The following ZNF423 variants were observed in gnomAD, a reference collection of about 807,000 sequenced individuals.
ZNF423 encodes the protein Ebf-associated zinc finger protein.
Under a neutral mutation model 95.8 loss-of-function variants are expected in ZNF423, and 12 were observed. The observed-to-expected ratio is 0.13, with a 90% CI of 0.08 to 0.20. The LOEUF (loss-of-function observed/expected upper bound fraction) is 0.20, where lower values mean the gene tolerates loss of function less well. Among genes scored for constraint, ZNF423 ranks in the 10% least tolerant of loss-of-function variants. The probability of loss-of-function intolerance (pLI) is 1.00; values close to 1 mark genes in which losing one functional copy is unlikely to be tolerated. For missense variants in ZNF423, 1,316 were observed against 1,737.1 expected (o/e 0.76, Z 4.31); for synonymous variants, 749 against 711.9 (o/e 1.05, Z -0.83).
chr16:49,612,486 CA>C (rs1971759137), intron 5 of ZNF423, among the ~76,000 whole-genome samples: 1 of 146,770 alleles, frequency 6.8e-6, no homozygotes, highest in Non-Finnish European at 1.5e-5. Context: ...AACAAACAAA[CA>C]AACAAACAAA....
At chr16:49,813,234 C>T (rs2034782266) in intron 1 of ZNF423, among the ~76,000 whole-genome samples, 1 of 148,524 alleles carries the variant, frequency 6.7e-6, no homozygotes, top group African/African-American at 2.5e-5. Flanking sequence ...GTGACTCCAA[C>T]CCCACAGCCC....
intron 2 of ZNF423, among the ~76,000 whole-genome samples, chr16:49,744,092 T>TC (rs1334015103): frequency 3.3e-5 from 5 of 152,062 alleles, no homozygotes; most frequent in Non-Finnish European, 7.4e-5. Context: ...CCCAGGGGTC[T>TC]CCCCACCGCT....
chr16:49,607,227 T>C (rs1028576336), intron 5 of ZNF423, among the ~76,000 whole-genome samples: 8 of 152,130 alleles, frequency 5.3e-5, no homozygotes, highest in Non-Finnish European at 8.8e-5. Context: ...ATAGCATTTT[T>C]TGTGGTCCTT....
At chr16:49,813,373 T>C (rs995384765) in intron 1 of ZNF423, among the ~76,000 whole-genome samples, 2 of 152,018 alleles carry the variant, frequency 1.3e-5, no homozygotes, top group African/African-American at 4.8e-5. Flanking sequence ...AGCAGACATG[T>C]TCATCCTCCA....
At chr16:49,816,999 T>C (rs2034866120) in intron 1 of ZNF423, among the ~76,000 whole-genome samples, 1 of 152,214 alleles carries the variant, frequency 6.6e-6, no homozygotes, top group Admixed American at 6.5e-5. Flanking sequence ...AAGAAAAGCA[T>C]GTGTCTATTT....
chr16:49,490,136 C>G lies in ZNF423; in HGVS notation c.*1139G>C, dbSNP rs899174819. ...CCTGCGGCTCCTACCTGGCTCTGCT[C>G]TGCAGTCCCCAGTCACACATCTCCG... On this transcript the variant is annotated 3_prime_UTR_variant, in exon 8 of 8. Transcript: ENST00000563137. 2 of 152,278 alleles carry G rather than the reference C, an allele frequency of 1.3e-5. No homozygotes were observed. The highest frequency in any genetic ancestry group is 2.9e-5 in the Non-Finnish European group (2 of 68,086). 9.4% of individuals were successfully genotyped at this position (152,278 alleles called of 1,614,324 possible).
intron 2 of ZNF423, among the ~76,000 whole-genome samples, chr16:49,774,796 A>G (rs1386608420): frequency 1.3e-5 from 2 of 152,166 alleles, no homozygotes; most frequent in Non-Finnish European, 2.9e-5. Flanking sequence ...AAGGAGAAGC[A>G]CATAAACAGA....
chr16:49,779,755 C>T (rs7199979), intron 2 of ZNF423, among the ~76,000 whole-genome samples: 36,354 of 152,040 alleles, frequency 0.24, 4,964 homozygotes, highest in African/African-American at 0.38. Context: ...CCTTGGGGAC[C>T]TAGGAAACAG....
At chr16:49,549,674 A>T (rs1419514807) in intron 5 of ZNF423, among the ~76,000 whole-genome samples, 1 of 152,160 alleles carries the variant, frequency 6.6e-6, no homozygotes, top group Non-Finnish European at 1.5e-5. Flanking sequence ...ATAAATTCAC[A>T]CATCCGGTCC....
intron 5 of ZNF423, among the ~76,000 whole-genome samples, chr16:49,614,453 C>T (rs34137555): frequency 0.049 from 7,426 of 152,218 alleles, 221 homozygotes; most frequent in Non-Finnish European, 0.07. Context: ...TGGGAATTTA[C>T]CCCCAAAATA....
At chr16:49,560,784 G>T (rs1969990389) in intron 5 of ZNF423, among the ~76,000 whole-genome samples, 1 of 152,228 alleles carries the variant, frequency 6.6e-6, no homozygotes, top group Admixed American at 6.5e-5. Context: ...AGGCGAGTCG[G>T]CCGAGTACGC....
At position 49,853,696 on chromosome 16, in the gene ZNF423, C is replaced by A. The variant is rs768324732; in HGVS notation, c.40+2039G>T. The A allele has an allele frequency of 1.7e-5, 17 of 985,338 alleles. No individual in the cohort carries two copies. In the East Asian group the frequency reaches 1.6e-3, roughly 92 times the overall value. 61.0% of individuals were successfully genotyped at this position (985,338 alleles called of 1,614,324 possible). A position where few individuals can be genotyped will look rare whatever the true frequency, so the allele number is the denominator to read the frequency against. On this transcript the variant is annotated intron_variant, in intron 1 of 7. Coordinates refer to ENST00000563137, the MANE Select transcript of ZNF423 (RefSeq NM_001379286.1). ...ACTCACTAAAAATCATTTCAAGGCT[C>A]ATTTCATGAAAGGCTGAAGACCAAT...
intron 3 of ZNF423, among the ~76,000 whole-genome samples, chr16:49,722,888 T>C (rs1226188470): frequency 6.6e-6 from 1 of 152,116 alleles, no homozygotes; most frequent in African/African-American, 2.4e-5. Context: ...GCCATTCTGG[T>C]ATTTTTAAAA....
intron 5 of ZNF423, among the ~76,000 whole-genome samples, chr16:49,538,574 T>C (rs1969137516): frequency 6.6e-6 from 1 of 152,110 alleles, no homozygotes; most frequent in South Asian, 2.1e-4. Context: ...GGCTCCCTTT[T>C]TCCCAGTGCA....
chr16:49,805,896 C>T (rs1269480283), intron 1 of ZNF423, among the ~76,000 whole-genome samples: 1 of 152,264 alleles, frequency 6.6e-6, no homozygotes, highest in African/African-American at 2.4e-5. Context: ...CTTCTGTGCC[C>T]CCAGCCAGTC....
chr16:49,576,176 C>T (rs917858405), intron 5 of ZNF423, among the ~76,000 whole-genome samples: 23 of 152,202 alleles, frequency 1.5e-4, no homozygotes, highest in Non-Finnish European at 3.1e-4. Flanking sequence ...CCCTTTGGCC[C>T]TCATCATATT....
At chr16:49,742,080 G>A (rs888124267) in intron 2 of ZNF423, among the ~76,000 whole-genome samples, 2 of 152,220 alleles carry the variant, frequency 1.3e-5, no homozygotes, top group African/African-American at 4.8e-5. Context: ...TGTTCTAGAT[G>A]CAAACACATG....
At chr16:49,721,427 C>T (rs762292525) in intron 3 of ZNF423, among the ~76,000 whole-genome samples, 33 of 152,252 alleles carry the variant, frequency 2.2e-4, no homozygotes, top group Admixed American at 5.2e-4. Context: ...AAATGGACAA[C>T]AGCAGGCTGG....
chr16:49,727,859 T>C (rs1314686395), intron 3 of ZNF423, among the ~76,000 whole-genome samples: 2 of 152,218 alleles, frequency 1.3e-5, no homozygotes. Flanking sequence ...ACGGTCTCTA[T>C]TGGGCTTCTA....
Sources: allele counts gnomAD v4.1 joint callset (sites outside exome capture counted in the v4.1 genomes callset), GRCh38; gene constraint gnomAD v4.1.1; transcripts MANE v1.5; gene names NCBI Gene and HGNC (gene_info 2026-07-23, HGNC 2026-07-21).